MRTFB: variants seen among roughly 807,000 people sequenced by gnomAD.
MRTFB encodes the protein myocardin related transcription factor B, also known as myocardin-related transcription factor B.
MRTFB carries 29 observed loss-of-function variants against 104.2 expected under a neutral mutation model. That is an observed-to-expected ratio of 0.28 (90% confidence interval 0.21 to 0.38). MRTFB has a LOEUF of 0.38. Ranked by LOEUF, MRTFB falls within the 10% of genes least tolerant of loss-of-function variation. The probability of loss-of-function intolerance (pLI) is 1.00; values close to 1 mark genes in which losing one functional copy is unlikely to be tolerated. For synonymous variants in MRTFB, 535 were observed against 519.5 expected (o/e 1.03, Z -0.41); for missense variants, 1,270 against 1,341.6 (o/e 0.95, Z 0.83).
intron 3 of MRTFB, among the ~76,000 whole-genome samples, chr16:14,202,505 T>C (rs1222254303): frequency 6.6e-6 from 1 of 152,204 alleles, no homozygotes; most frequent in Non-Finnish European, 1.5e-5. Context: ...CTTTCTCCCC[T>C]TTGACTGCAA....
the MRTFB span, chr16:14,018,846 G>A: frequency 1.3e-5 from 2 of 151,956 alleles, no homozygotes; most frequent in African/African-American, 2.4e-5. Context: ...ATTTATTTAA[G>A]TAAAAACTCT....
intron 2 of MRTFB, among the ~76,000 whole-genome samples, chr16:14,093,653 A>G (rs1384213724): frequency 6.6e-6 from 1 of 152,204 alleles, no homozygotes; most frequent in Non-Finnish European, 1.5e-5. Context: ...ATAAAGTTTG[A>G]ACAAATATCT....
intron 3 of MRTFB, among the ~76,000 whole-genome samples, chr16:14,175,781 G>C (rs994255175): frequency 2.0e-5 from 3 of 152,108 alleles, no homozygotes; most frequent in Non-Finnish European, 4.4e-5. Context: ...CTCAGTAATA[G>C]AAAGGAACCA....
intron 3 of MRTFB, among the ~76,000 whole-genome samples, chr16:14,206,311 G>A (rs77972904): frequency 0.035 from 5,343 of 152,240 alleles, 152 homozygotes; most frequent in Non-Finnish European, 0.05. Context: ...CAATTAAGCT[G>A]TCTATCATTC....
At chr16:14,133,507 C>T (rs1021157403) in intron 2 of MRTFB, among the ~76,000 whole-genome samples, 5 of 152,084 alleles carry the variant, frequency 3.3e-5, no homozygotes, top group Admixed American at 1.3e-4. Context: ...ATTTAAATTC[C>T]ATTGATTCCT....
chr16:14,178,419 A>G (rs904121059), intron 3 of MRTFB, among the ~76,000 whole-genome samples: 5 of 152,194 alleles, frequency 3.3e-5, no homozygotes, highest in African/African-American at 1.2e-4. Context: ...TAGAGTTTAT[A>G]TGAGGGCATG....
chr16:14,254,597 C>T (rs773724898), intron 15 of MRTFB, among the ~76,000 whole-genome samples: 4 of 152,342 alleles, frequency 2.6e-5, no homozygotes, highest in African/African-American at 7.2e-5. Flanking sequence ...GTGGAATGGA[C>T]GCTTAGCAGC....
chr16:14,208,939 A>G (rs933499429), intron 3 of MRTFB, among the ~76,000 whole-genome samples: 5 of 152,204 alleles, frequency 3.3e-5, no homozygotes, highest in African/African-American at 9.7e-5. Flanking sequence ...TAGGCTATCA[A>G]TGAAGTTTTG....
At chr16:14,256,143 A>G (rs2043474178) in intron 15 of MRTFB, among the ~76,000 whole-genome samples, 1 of 150,714 alleles carries the variant, frequency 6.6e-6, no homozygotes, top group Non-Finnish European at 1.5e-5. Context: ...GAAAAATTAG[A>G]TACAAAAATG....
chr16:14,149,836 G>GAACTAAAAA (rs1166646161), intron 3 of MRTFB, among the ~76,000 whole-genome samples: 2 of 152,138 alleles, frequency 1.3e-5, no homozygotes, highest in African/African-American at 2.4e-5. Flanking sequence ...AACTGAAAAA[G>GAACTAAAAA]AAGAACCTAG....
chr16:14,001,012 C>T, the MRTFB span, among the ~76,000 whole-genome samples: 1 of 152,272 alleles, frequency 6.6e-6, no homozygotes, highest in Non-Finnish European at 1.5e-5. Flanking sequence ...AATGTTGGAG[C>T]TTCCTGTGAC....
intron 2 of MRTFB, among the ~76,000 whole-genome samples, chr16:14,116,722 C>A (rs550435855): frequency 6.6e-6 from 1 of 152,096 alleles, no homozygotes. Context: ...TTAGCAGCAT[C>A]CCTGGTCTCC....
At chr16:14,112,378 C>CG (rs1373483964) in intron 2 of MRTFB, among the ~76,000 whole-genome samples, 1 of 151,988 alleles carries the variant, frequency 6.6e-6, no homozygotes, top group East Asian at 1.9e-4. Flanking sequence ...GAGTGGATGA[C>CG]GGGGTTCAAA....
At chr16:14,008,623 A>G in the MRTFB span, among the ~76,000 whole-genome samples, 1 of 151,832 alleles carries the variant, frequency 6.6e-6, no homozygotes, top group South Asian at 2.1e-4. Flanking sequence ...GGAAGTATGA[A>G]CCCTCCAACT....
At chr16:14,139,406 A>C (rs937757453) in intron 2 of MRTFB, among the ~76,000 whole-genome samples, 4 of 152,198 alleles carry the variant, frequency 2.6e-5, no homozygotes, top group Admixed American at 1.3e-4. Context: ...AAGACTGACC[A>C]TATGAAGTAC....
chr16:14,183,451 C>T (rs2039836516), intron 3 of MRTFB, among the ~76,000 whole-genome samples: 1 of 152,132 alleles, frequency 6.6e-6, no homozygotes, highest in Non-Finnish European at 1.5e-5. Context: ...ATTGTTGGGA[C>T]AATTGGTGGA....
At chr16:14,100,111 G>A (rs1407737027) in intron 2 of MRTFB, among the ~76,000 whole-genome samples, 1 of 152,056 alleles carries the variant, frequency 6.6e-6, no homozygotes, top group Non-Finnish European at 1.5e-5. Context: ...CTTATTGAAC[G>A]AGCAGAACCT....
chr16:14,049,691 G>A, the MRTFB span, among the ~76,000 whole-genome samples: 7 of 152,204 alleles, frequency 4.6e-5, no homozygotes, highest in African/African-American at 7.2e-5. Flanking sequence ...ACTACAGTGC[G>A]GTTATGGAAG....
intron 3 of MRTFB, among the ~76,000 whole-genome samples, chr16:14,157,703 C>G (rs2038878628): frequency 6.6e-6 from 1 of 152,110 alleles, no homozygotes; most frequent in African/African-American, 2.4e-5. Context: ...CAACAAGGAA[C>G]TATTGAGTTT....
Sources: allele counts gnomAD v4.1 joint callset (sites outside exome capture counted in the v4.1 genomes callset), GRCh38; gene constraint gnomAD v4.1.1; transcripts MANE v1.5; gene names NCBI Gene and HGNC (gene_info 2026-07-23, HGNC 2026-07-21).